The following FGFR2 variants were observed in gnomAD, a reference collection of about 807,000 sequenced individuals.
FGFR2 encodes the protein fibroblast growth factor receptor 2.
Under a neutral mutation model 95.9 loss-of-function variants are expected in FGFR2, and 19 were observed. The observed-to-expected ratio is 0.20, with a 90% confidence interval of 0.14 to 0.29. The LOEUF is 0.29. Among genes scored for constraint, FGFR2 ranks in the 10% least tolerant of loss-of-function variants. The pLI is 1.00. For missense variants in FGFR2, 707 were observed against 1,056.9 expected, an observed-to-expected ratio of 0.67 and a Z score of 4.59; for synonymous variants, 392 against 393.3, an observed-to-expected ratio of 1.00 and a Z score of 0.04.
intron 2 of FGFR2, among the ~76,000 whole-genome samples, chr10:121,567,238 C>A (rs1165525272): frequency 2.0e-5 from 3 of 152,190 alleles, no homozygotes; most frequent in Non-Finnish European, 4.4e-5. Flanking sequence ...CCCTCACCAC[C>A]ACCATCAACA....
Position 121,500,721 on chromosome 10 carries a change from G to C in FGFR2, c.1561+105C>G, listed in dbSNP as rs1049323865. 7 of 1,497,338 alleles carry C rather than the reference G, an allele frequency of 4.7e-6. No homozygotes were observed. In the African/African-American group the frequency reaches 8.2e-5, roughly 18 times the overall value. 92.8% of individuals were successfully genotyped at this position (1,497,338 alleles called of 1,614,324 possible). A position where few individuals can be genotyped will look rare whatever the true frequency, so the allele number is the denominator to read the frequency against. On this transcript the variant is annotated intron_variant, in intron 11 of 17. Coordinates refer to ENST00000358487, the MANE Select transcript of FGFR2 (RefSeq NM_000141.5). ...TTCTCAACCCCTAGGTCAACTATGTGCTCTCTGACCCCGTGCCATGATAGA... is the reference window on the plus strand; with the variant it reads ...TTCTCAACCCCTAGGTCAACTATGTCCTCTCTGACCCCGTGCCATGATAGA...
intron 1 of FGFR2, among the ~76,000 whole-genome samples, chr10:121,595,882 T>C (rs1044267762): frequency 6.6e-6 from 1 of 152,168 alleles, no homozygotes; most frequent in African/African-American, 2.4e-5. Context: ...GAAATTTGCA[T>C]TTCAGCCATT....
At chr10:121,591,825 C>T (rs1331125958) in intron 2 of FGFR2, among the ~76,000 whole-genome samples, 5 of 152,158 alleles carry the variant, frequency 3.3e-5, no homozygotes, top group African/African-American at 1.2e-4. Flanking sequence ...CCACAGATCC[C>T]AGGTTGAGCA....
chr10:121,483,048 C>T (rs541177348), intron 17 of FGFR2, among the ~76,000 whole-genome samples: 2 of 152,122 alleles, frequency 1.3e-5, no homozygotes, highest in Non-Finnish European at 2.9e-5. Context: ...CTGCCCTCCT[C>T]GGCTTCCCAA....
chr10:121,583,614 T>A (rs1204389781), intron 2 of FGFR2: 1 of 153,338 alleles, frequency 6.5e-6, no homozygotes, highest in Admixed American at 6.5e-5. Flanking sequence ...ACATTTTTAT[T>A]GTCTGGAATT....
Position 121,487,429 on chromosome 10 carries a change from A to C in FGFR2, c.1987-5T>G, listed in dbSNP as rs778413728. 5.9e-5 allele frequency: 96 copies of C among 1,613,458 alleles called. No homozygotes were observed. The highest frequency in any genetic ancestry group is 8.1e-5 in the Non-Finnish European group (95 of 1,179,608). ...CCACTTGACTGGAAGCCGCCCCTGCAAATGTAGAGGAAAATGCAAAAACTA... is the reference window on the plus strand; with the variant it reads ...CCACTTGACTGGAAGCCGCCCCTGCCAATGTAGAGGAAAATGCAAAAACTA... On this transcript the variant is annotated splice_region_variant and splice_polypyrimidine_tract_variant and intron_variant, in intron 14 of 17. Transcript: ENST00000358487.
chr10:121,571,294 C>CTTT (rs35943673), intron 2 of FGFR2, among the ~76,000 whole-genome samples: 549 of 39,328 alleles, frequency 0.014, 15 homozygotes, highest in Non-Finnish European at 0.014. Context: ...CGTGCCTGGC[C>CTTT]TTTTTTTTTT....
Position 121,564,519 on chromosome 10 carries a change from T to G in FGFR2, c.437A>C (p.Glu146Ala). 1 of 1,614,050 alleles carries G rather than the reference T, an allele frequency of 6.2e-7. No homozygotes were observed. Among genetic ancestry groups the G allele is most frequent in the Non-Finnish European group, 8.5e-7 (1 of 1,179,986 alleles). Reference sequence around the variant, plus strand: ...TTACTTACTCTTGTTGTTACTGTTCTCACTGACAAAATCTTCCGCACCATC... The same window carrying G: ...TTACTTACTCTTGTTGTTACTGTTCGCACTGACAAAATCTTCCGCACCATC... Reference protein sequence around the residue: ...DTDGAEDFVSENSNNKRAPYW... With the variant: ...DTDGAEDFVSANSNNKRAPYW... Residue 146 changes from glutamate to alanine, a missense_variant, in exon 4 of 18, where the codon GAG becomes GCG. Glu to Ala is a moderately radical substitution (Grantham distance 107). Around this residue, in one of 7 missense-constraint regions of FGFR2, gnomAD observed 178 missense variants for 194.1 expected, o/e 0.92. Coordinates refer to ENST00000358487, the MANE Select transcript of FGFR2 (RefSeq NM_000141.5).
At chr10:121,581,347 G>A (rs925529668) in intron 2 of FGFR2, among the ~76,000 whole-genome samples, 1 of 152,278 alleles carries the variant, frequency 6.6e-6, no homozygotes, top group Non-Finnish European at 1.5e-5. Context: ...CACTGGACAA[G>A]GGTCAACCTA....
chr10:121,580,506 G>A (rs576694655), intron 2 of FGFR2, among the ~76,000 whole-genome samples: 8 of 152,290 alleles, frequency 5.3e-5, no homozygotes, highest in African/African-American at 1.7e-4. Context: ...AAGGCACAGA[G>A]TTGTGGCCTG....
At chr10:121,480,070 C>T (rs1222726756) in intron 17 of FGFR2, 49 bp from the exon 18 acceptor site, 1 of 1,547,680 alleles carries the variant, frequency 6.5e-7, no homozygotes, top group Non-Finnish European at 8.9e-7. Context: ...GTCAGGATAA[C>T]AAGGTGAATA....
Position 121,582,163 on chromosome 10 carries a change from C to T in FGFR2, c.109+11546G>A, listed in dbSNP as rs1014143325. 2.0e-5 allele frequency among the ~76,000 whole-genome samples: 3 copies of T among 152,074 alleles called. No homozygotes were observed. The East Asian group carries it at 5.8e-4, about 30-fold the overall frequency. On this transcript the variant is annotated intron_variant, in intron 2 of 17. Coordinates refer to ENST00000358487, the MANE Select transcript of FGFR2 (RefSeq NM_000141.5). ...GCCAGGCTAGTCTCAAACTCCTCAC[C>T]TCATGATCCGCCCACCTCGGCCCCT...
intron 13 of FGFR2, among the ~76,000 whole-genome samples, chr10:121,495,303 T>C (rs1178577692): frequency 6.6e-6 from 1 of 152,138 alleles, no homozygotes; most frequent in African/African-American, 2.4e-5. Flanking sequence ...AAAATGTTTT[T>C]AAAGTTTTTC....
chr10:121,487,783 A>T (rs1845612624), intron 14 of FGFR2, among the ~76,000 whole-genome samples: 1 of 152,222 alleles, frequency 6.6e-6, no homozygotes, highest in Admixed American at 6.5e-5. Flanking sequence ...TCTGTATATA[A>T]GTGTTTCACA....
chr10:121,534,557 G>A (rs568287444), intron 6 of FGFR2, among the ~76,000 whole-genome samples: 1 of 151,470 alleles, frequency 6.6e-6, no homozygotes, highest in East Asian at 2.0e-4. Context: ...CACCACACCC[G>A]GCTAATTTTT....
intron 2 of FGFR2, among the ~76,000 whole-genome samples, chr10:121,574,440 A>T (rs1859364136): frequency 6.6e-6 from 1 of 151,988 alleles, no homozygotes; most frequent in South Asian, 2.1e-4. Flanking sequence ...GAGGCAGGAG[A>T]ATTGCTTGAA....
intron 2 of FGFR2, among the ~76,000 whole-genome samples, chr10:121,585,387 G>A (rs1861671330): frequency 6.6e-6 from 1 of 151,680 alleles, no homozygotes; most frequent in Non-Finnish European, 1.5e-5. Context: ...TGGTAATATT[G>A]TAGAGTAAAC....
chr10:121,509,227 C>T (rs908541803), intron 9 of FGFR2, among the ~76,000 whole-genome samples: 14 of 152,092 alleles, frequency 9.2e-5, no homozygotes, highest in Admixed American at 2.6e-4. Context: ...ACAATCAACA[C>T]GAACACTCTA....
At chr10:121,482,182 T>C (rs766957546) in intron 17 of FGFR2, 4 of 1,612,074 alleles carry the variant, frequency 2.5e-6, no homozygotes, top group Non-Finnish European at 2.5e-6. Flanking sequence ...TCAGATCTGA[T>C]AGGAAAAAAA....
Sources: gnomAD v4.1 joint callset for allele counts (sites outside exome capture counted in the v4.1 genomes callset) on GRCh38, gnomAD v4.1.1 for gene constraint, gnomAD v4.1.1 regional missense constraint, MANE v1.5 for transcripts, NCBI Gene and HGNC (gene_info 2026-07-23, HGNC 2026-07-21) for gene names.